HTR4: variants seen among roughly 807,000 people sequenced by gnomAD.
The protein encoded by HTR4 is 5-hydroxytryptamine receptor 4.
In HTR4, 16 loss-of-function variants were observed where a neutral mutation model predicts 36.8. That is an observed-to-expected ratio of 0.43 (90% CI 0.29 to 0.66). The LOEUF (loss-of-function observed/expected upper bound fraction) is 0.66, where lower values mean the gene tolerates loss of function less well. Ranked by LOEUF, HTR4 falls within the 30% of genes least tolerant of loss-of-function variation. The pLI is 0.13. For missense variants in HTR4, 438 were observed against 490.9 expected, an observed-to-expected ratio of 0.89 and a Z score of 1.02; for synonymous variants, 189 against 185.1, an observed-to-expected ratio of 1.02 and a Z score of -0.17.
chr5:148,646,221 G>A (rs543387243), intron 1 of HTR4: 1 of 152,326 alleles, frequency 6.6e-6, no homozygotes, highest in South Asian at 2.1e-4. Context: ...ATCTGTCCAG[G>A]TGAGCATACC....
intron 5 of HTR4, among the ~76,000 whole-genome samples, chr5:148,462,226 A>T (rs1755294645): frequency 6.6e-6 from 1 of 152,028 alleles, no homozygotes; most frequent in African/African-American, 2.4e-5. Context: ...TAAAACAAAA[A>T]GCTAGTTCTT....
At chr5:148,529,385 G>A (rs757098181) in intron 4 of HTR4, among the ~76,000 whole-genome samples, 24 of 152,232 alleles carry the variant, frequency 1.6e-4, no homozygotes, top group African/African-American at 2.6e-4. Flanking sequence ...ACGGGAGTGC[G>A]TCTTTCCCAT....
intron 5 of HTR4, chr5:148,465,968 A>G: frequency 6.3e-7 from 1 of 1,592,750 alleles, no homozygotes. Context: ...AGGGAGAGCC[A>G]AGCAGAATTT....
rs1317862319 is a variant in HTR4 at position 148,484,491 on chromosome 5, T to A, written c.1077-1198A>T. On this transcript the variant is annotated intron_variant, in intron 6 of 6. Coordinates refer to ENST00000377888, the MANE Select transcript of HTR4 (RefSeq NM_000870.7). ...ATTAGCTTTAGTGTTTCTTGAAAAA[T>A]TGGGGCAATATTTACTATCTCCAGG... The A allele has an allele frequency of 3.0e-6, 3 of 1,015,150 alleles. No homozygotes were observed. In the Admixed American group the frequency reaches 7.5e-5, roughly 25 times the overall value. 62.9% of individuals were successfully genotyped at this position (1,015,150 alleles called of 1,614,324 possible). A position where few individuals can be genotyped will look rare whatever the true frequency, so the allele number is the denominator to read the frequency against.
intron 6 of HTR4, among the ~76,000 whole-genome samples, chr5:148,498,645 G>T (rs1756793968): frequency 6.6e-6 from 1 of 152,122 alleles, no homozygotes; most frequent in Admixed American, 6.5e-5. Context: ...GAGAAATAGT[G>T]CTGTAAACAG....
downstream of HTR4, chr5:148,476,755 G>A (rs778616732): frequency 6.2e-7 from 1 of 1,613,340 alleles, no homozygotes. Context: ...TCTGGTAGGA[G>A]AGATCAAAAA....
intron 2 of HTR4, among the ~76,000 whole-genome samples, chr5:148,586,903 C>T (rs1186101296): frequency 6.6e-6 from 1 of 152,192 alleles, no homozygotes; most frequent in East Asian, 1.9e-4. Context: ...TCTTAAACCT[C>T]ATAGGATGCA....
chr5:148,653,806 CA>C (rs1243932854), intron 1 of HTR4, among the ~76,000 whole-genome samples: 2 of 152,156 alleles, frequency 1.3e-5, no homozygotes. Flanking sequence ...TGCAGTTTCA[CA>C]AGTACTTACA....
intron 4 of HTR4, 88 bp downstream of exon 4, chr5:148,548,580 A>G (rs922183436): frequency 9.5e-7 from 1 of 1,049,700 alleles, no homozygotes. Flanking sequence ...ATTTCTTCTA[A>G]TGAATAAGAA....
chr5:148,541,034 G>C (rs1247498323), intron 4 of HTR4, among the ~76,000 whole-genome samples: 2 of 152,130 alleles, frequency 1.3e-5, no homozygotes, highest in African/African-American at 4.8e-5. Context: ...GCATTATTCA[G>C]TTTATTAACT....
chr5:148,512,365 G>A (rs1412799142), intron 5 of HTR4, among the ~76,000 whole-genome samples: 1 of 152,120 alleles, frequency 6.6e-6, no homozygotes, highest in Non-Finnish European at 1.5e-5. Flanking sequence ...GTTAATCACT[G>A]TTTTGCCCTT....
Position 148,509,867 on chromosome 5 carries a change from T to C in HTR4, c.665A>G (p.His222Arg). 6.2e-7 allele frequency: 1 copy of C among 1,614,002 alleles called. No individual in the cohort carries two copies. The highest frequency in any genetic ancestry group is 8.5e-7 in the Non-Finnish European group (1 of 1,179,990). The change falls in exon 6 of 7, where the codon CAT (histidine) becomes CGT (arginine). Residue 222 changes from histidine (H) to arginine (R), a missense_variant. Transcript: ENST00000377888. ...TTGTAACATCTGGATCTGATGGGCA[T>C]GCTCCTTAGCTGTGACATAGATGCG... ...YYRIYVTAKE[H>R]AHQIQMLQRA...
chr5:148,490,416 A>G (rs1473305605), intron 6 of HTR4, among the ~76,000 whole-genome samples: 2 of 152,020 alleles, frequency 1.3e-5, no homozygotes, highest in East Asian at 1.9e-4. Context: ...CATTTCTGAC[A>G]TATGTCTTCT....
chr5:148,513,223 C>T (rs965381073), intron 5 of HTR4, among the ~76,000 whole-genome samples: 1 of 152,098 alleles, frequency 6.6e-6, no homozygotes, highest in Non-Finnish European at 1.5e-5. Context: ...ACTCTAGGCT[C>T]AAGCTATCAG....
chr5:148,612,060 C>T (rs1007496393), intron 2 of HTR4, among the ~76,000 whole-genome samples: 1 of 152,174 alleles, frequency 6.6e-6, no homozygotes, highest in Non-Finnish European at 1.5e-5. Context: ...GAGACTTAGA[C>T]TCCCACGCAT....
chr5:148,544,119 G>T (rs544528778), intron 4 of HTR4, among the ~76,000 whole-genome samples: 1 of 150,764 alleles, frequency 6.6e-6, no homozygotes, highest in Non-Finnish European at 1.5e-5. Context: ...AAAACTGAAG[G>T]CCCCCAACCC....
At chr5:148,511,893 T>G (rs1457445561) in intron 5 of HTR4, among the ~76,000 whole-genome samples, 1 of 152,216 alleles carries the variant, frequency 6.6e-6, no homozygotes, top group Non-Finnish European at 1.5e-5. Context: ...ATTACATAAG[T>G]AAAATACTCC....
intron 1 of HTR4, chr5:148,644,915 C>T (rs570478119): frequency 3.5e-4 from 53 of 152,278 alleles, no homozygotes; most frequent in African/African-American, 9.9e-4. Flanking sequence ...GAAGCAACAC[C>T]AACATTGTCT....
chr5:148,518,466 A>C (rs1050465527), intron 5 of HTR4, among the ~76,000 whole-genome samples: 13 of 152,194 alleles, frequency 8.5e-5, no homozygotes, highest in Non-Finnish European at 1.8e-4. Flanking sequence ...TCCTAGTCCA[A>C]GTTAGCGTTA....
Sources: gnomAD v4.1 joint callset for allele counts (sites outside exome capture counted in the v4.1 genomes callset) on GRCh38, gnomAD v4.1.1 for gene constraint, MANE v1.5 for transcripts, NCBI Gene and HGNC (gene_info 2026-07-23, HGNC 2026-07-21) for gene names.